Variants in ETV6 observed in about 807,000 individuals in gnomAD.
The protein encoded by ETV6 is ETS variant transcription factor 6, also known as transcription factor ETV6.
ETV6 carries 16 observed loss-of-function variants against 51.1 expected under a neutral mutation model. The observed-to-expected ratio is 0.31, with a 90% CI of 0.21 to 0.48. ETV6 has a LOEUF of 0.48. Ranked by LOEUF, ETV6 falls within the 20% of genes least tolerant of loss-of-function variation. ETV6 has a pLI of 0.99. For missense variants in ETV6, 458 were observed against 594.8 expected (o/e 0.77, Z 2.39); for synonymous variants, 240 against 224.1 (o/e 1.07, Z -0.64).
chr12:11,688,757 TG>T (rs1224309211), intron 1 of ETV6, among the ~76,000 whole-genome samples: 3 of 152,192 alleles, frequency 2.0e-5, no homozygotes, highest in Non-Finnish European at 4.4e-5. Flanking sequence ...TAGCCTTAGC[TG>T]CTCCTTGAGG....
In ETV6 at chr12:11,758,890, T is replaced by C. The variant is rs1222659747; in HGVS notation, c.163+6311T>C. 2.0e-5 allele frequency among the ~76,000 whole-genome samples: 3 copies of C among 152,350 alleles called. No individual in the cohort carries two copies. In the East Asian group the frequency reaches 5.8e-4, roughly 29 times the overall value. Reference sequence around the variant, plus strand: ...CTACTTTGTTCCCCCTTAAGCCTTCTTTTGGGTGCCTTCACTTTTTACATC... The same window carrying C: ...CTACTTTGTTCCCCCTTAAGCCTTCCTTTGGGTGCCTTCACTTTTTACATC... On this transcript the variant is annotated intron_variant, in intron 2 of 7. Coordinates refer to ENST00000396373, the MANE Select transcript of ETV6 (RefSeq NM_001987.5).
intron 1 of ETV6, among the ~76,000 whole-genome samples, chr12:11,730,791 A>G (rs911397508): frequency 6.6e-6 from 1 of 152,224 alleles, no homozygotes; most frequent in Non-Finnish European, 1.5e-5. Flanking sequence ...AGACTTTCCC[A>G]TGGCCCAAGA....
At chr12:11,769,570 C>T (rs985435891) in intron 2 of ETV6, among the ~76,000 whole-genome samples, 1 of 152,198 alleles carries the variant, frequency 6.6e-6, no homozygotes, top group Non-Finnish European at 1.5e-5. Flanking sequence ...GAAATGGTGT[C>T]ATTTTTCCTG....
chr12:11,852,728 G>T (rs187491327), intron 3 of ETV6, among the ~76,000 whole-genome samples: 127 of 152,274 alleles, frequency 8.3e-4, no homozygotes, highest in African/African-American at 2.8e-3. Flanking sequence ...TCAGTAATGT[G>T]GGAAAATGTT....
intron 2 of ETV6, among the ~76,000 whole-genome samples, chr12:11,789,997 C>T (rs886814074): frequency 1.3e-4 from 20 of 152,116 alleles, no homozygotes; most frequent in Admixed American, 5.9e-4. Flanking sequence ...TTCTCCAGAA[C>T]TCCCATTATT....
At chr12:11,723,503 A>T (rs1347171996) in intron 1 of ETV6, among the ~76,000 whole-genome samples, 1 of 151,884 alleles carries the variant, frequency 6.6e-6, no homozygotes, top group Non-Finnish European at 1.5e-5. Flanking sequence ...AATGAAAAAG[A>T]AAATGTACCT....
intron 2 of ETV6, among the ~76,000 whole-genome samples, chr12:11,809,812 C>CTTTTTTTT (rs927002978): frequency 1.2e-5 from 1 of 81,764 alleles, no homozygotes; most frequent in African/African-American, 5.7e-5. Flanking sequence ...AGAGCTTCTG[C>CTTTTTTTT]TTTTTTTTTT....
At chr12:11,876,702 G>A (rs1402480798) in intron 5 of ETV6, among the ~76,000 whole-genome samples, 2 of 152,108 alleles carry the variant, frequency 1.3e-5, no homozygotes, top group African/African-American at 2.4e-5. Context: ...AAAGGCCATG[G>A]CCTACCCAAA....
rs1184842308 is a variant in ETV6, at chr12:11,743,041, C to T, written c.34-9409C>T. Among the ~76,000 whole-genome samples, 8 of 151,950 alleles carry T rather than the reference C, an allele frequency of 5.3e-5. 1 individual carries two copies. The highest frequency in any genetic ancestry group is 4.6e-4 in the Admixed American group (7 of 15,246). On this transcript the variant is annotated intron_variant, in intron 1 of 7. Transcript: ENST00000396373. Reference sequence around the variant, plus strand: ...CAGGCTGGTCTCGAACTACTGAGCTCGAGGGATCCTCTTGCCCTGGCCTCC... The same window carrying T: ...CAGGCTGGTCTCGAACTACTGAGCTTGAGGGATCCTCTTGCCCTGGCCTCC...
chr12:11,889,840 G>C (rs1044311040), intron 7 of ETV6, among the ~76,000 whole-genome samples: 1 of 152,194 alleles, frequency 6.6e-6, no homozygotes, highest in African/African-American at 2.4e-5. Flanking sequence ...GAAAATGTAA[G>C]CTCTAAGATA....
intron 2 of ETV6, among the ~76,000 whole-genome samples, chr12:11,830,308 G>A (rs770911167): frequency 1.7e-4 from 26 of 152,188 alleles, no homozygotes; most frequent in Non-Finnish European, 1.6e-4. Context: ...TAGAGTGCAA[G>A]GGGCTTTTAC....
chr12:11,797,317 A>G (rs1945694322), intron 2 of ETV6, among the ~76,000 whole-genome samples: 1 of 152,180 alleles, frequency 6.6e-6, no homozygotes, highest in Non-Finnish European at 1.5e-5. Flanking sequence ...AGTCAGGGTC[A>G]TAGGGAAGTT....
intron 1 of ETV6, among the ~76,000 whole-genome samples, chr12:11,680,196 A>G (rs1256862383): frequency 6.6e-6 from 1 of 152,248 alleles, no homozygotes; most frequent in Non-Finnish European, 1.5e-5. Flanking sequence ...ATGAGAACCA[A>G]ATGGAACTAC....
At chr12:11,837,367 T>C (rs1383697825) in intron 2 of ETV6, among the ~76,000 whole-genome samples, 1 of 144,724 alleles carries the variant, frequency 6.9e-6, no homozygotes, top group Non-Finnish European at 1.5e-5. Flanking sequence ...CAGTGCCCAG[T>C]AGTTCTTTTT....
At chr12:11,879,491 GAGAC>G (rs1283522557) in intron 5 of ETV6, among the ~76,000 whole-genome samples, 1 of 152,200 alleles carries the variant, frequency 6.6e-6, no homozygotes, top group Non-Finnish European at 1.5e-5. Context: ...TCTCTGGTAA[GAGAC>G]AGACGTGGGA....
At chr12:11,771,184 A>G (rs1383691463) in intron 2 of ETV6, among the ~76,000 whole-genome samples, 2 of 152,268 alleles carry the variant, frequency 1.3e-5, no homozygotes, top group African/African-American at 4.8e-5. Context: ...AAAATAGTGC[A>G]TTGCAGATAT....
chr12:11,846,975 C>T (rs945388228), intron 3 of ETV6, among the ~76,000 whole-genome samples: 1 of 152,200 alleles, frequency 6.6e-6, no homozygotes, highest in African/African-American at 2.4e-5. Flanking sequence ...CGGGTTCACG[C>T]CATTCTCCTG....
At chr12:11,656,132 A>ATT (rs1205530296) in intron 1 of ETV6, among the ~76,000 whole-genome samples, 2 of 152,092 alleles carry the variant, frequency 1.3e-5, no homozygotes, top group African/African-American at 4.8e-5. Flanking sequence ...TTTTATATAC[A>ATT]TTATATACAT....
chr12:11,795,190 T>A (rs1008707171), intron 2 of ETV6, among the ~76,000 whole-genome samples: 22 of 152,226 alleles, frequency 1.4e-4, no homozygotes, highest in Non-Finnish European at 2.6e-4. Flanking sequence ...CAGCATATAA[T>A]ATTTATAAAA....
Sources: allele counts gnomAD v4.1 joint callset (sites outside exome capture counted in the v4.1 genomes callset), GRCh38; gene constraint gnomAD v4.1.1; transcripts MANE v1.5; gene names NCBI Gene and HGNC (gene_info 2026-07-23, HGNC 2026-07-21).